The following GGH variants were observed in gnomAD, a reference collection of about 807,000 sequenced individuals.
GGH encodes the protein gamma-glutamyl hydrolase.
GGH carries 18 observed loss-of-function variants against 39.2 expected under a neutral mutation model. That is an observed-to-expected ratio of 0.46 (90% CI 0.32 to 0.68). The LOEUF (loss-of-function observed/expected upper bound fraction) is 0.68. Among genes scored for constraint, GGH ranks in the 30% least tolerant of loss-of-function variants. GGH has a pLI of 0.04. For synonymous variants in GGH, 147 were observed against 138.8 expected, an observed-to-expected ratio of 1.06 and a Z score of -0.42; for missense variants, 367 against 384.1, an observed-to-expected ratio of 0.96 and a Z score of 0.37.
Position 63,030,165 on chromosome 8 carries a change from A to T in GGH, c.275+2T>A. 1 of 1,354,408 alleles carries T rather than the reference A, an allele frequency of 7.4e-7. No individual in the cohort carries two copies. Among genetic ancestry groups the T allele is most frequent in the Non-Finnish European group, 1.1e-6 (1 of 944,280 alleles). The allele number at this position is 1,354,408 out of a possible 1,614,324, so 83.9% of individuals were successfully genotyped here. A position where few individuals can be genotyped will look rare whatever the true frequency, so the allele number is the denominator to read the frequency against. On this transcript the variant is annotated splice_donor_variant, in intron 3 of 8. Coordinates refer to ENST00000260118, the MANE Select transcript of GGH (RefSeq NM_003878.3). LOFTEE classifies it high-confidence loss of function. ...CGTATGAAACCAATGCTGCCAACTT[A>T]CCCATTAATAGATTTGAAAAGTATT... is the stretch of plus-strand genomic sequence containing the variant.
intron 1 of GGH, among the ~76,000 whole-genome samples, chr8:63,038,182 T>C (rs927563712): frequency 3.3e-5 from 5 of 152,274 alleles, no homozygotes; most frequent in Admixed American, 1.3e-4. Context: ...TGTTGTCCTC[T>C]GCTACTGAAC....
At chr8:63,024,865 G>A (rs1395581198) in intron 5 of GGH, 1 of 152,190 alleles carries the variant, frequency 6.6e-6, no homozygotes. Flanking sequence ...TATAAACTGA[G>A]TTCTGGCAAC....
chr8:63,038,693 G>A lies in GGH; in HGVS notation c.76C>T (p.Pro26Ser), dbSNP rs1189528803. 4 of 1,580,954 alleles carry A rather than the reference G, an allele frequency of 2.5e-6. No individual in the cohort carries two copies. Among genetic ancestry groups the A allele is most frequent in the African/African-American group, 1.4e-5 (1 of 72,706 alleles). Residue 26 changes from proline to serine, a missense_variant, in exon 1 of 9, where the codon CCC (proline) becomes TCC (serine). Coordinates refer to ENST00000260118, the MANE Select transcript of GGH (RefSeq NM_003878.3). The part of the protein sequence containing the change: ...CGAASLELSR[P>S]HGDTAKKPII... ...GGCTTCTTGGCGGTGTCGCCGTGGG[G>A]TCTAGACAGCTCGAGGCTCGCCGCC... is the stretch of plus-strand genomic sequence containing the variant.
chr8:63,026,225 A>T lies in GGH; in HGVS notation c.432T>A (p.Ile144=). The T allele has an allele frequency of 6.2e-7, 1 of 1,610,908 alleles. No individual in the cohort carries two copies. Among genetic ancestry groups the T allele is most frequent in the East Asian group, 2.2e-5 (1 of 44,808 alleles). ...CLGFEELSLL[I]SGECLLTATD... ...TGGCAGTTAATAAGCACTCTCCACT[A>T]ATCAGCAGTGAAAGCTCTTCAAATC... Residue 144 remains isoleucine, a synonymous_variant, in exon 5 of 9, where the codon ATT becomes ATA. Transcript: ENST00000260118.
intron 7 of GGH, among the ~76,000 whole-genome samples, chr8:63,021,578 C>T (rs181332071): frequency 6.6e-6 from 1 of 150,548 alleles, no homozygotes; most frequent in African/African-American, 2.4e-5. Flanking sequence ...ATTCCCTGAT[C>T]AGAAATTACA....
chr8:63,026,264 C>G lies in GGH; in HGVS notation c.393G>C (p.Trp131Cys). 2 of 1,608,014 alleles carry G rather than the reference C, an allele frequency of 1.2e-6. No individual in the cohort carries two copies. The highest frequency in any genetic ancestry group is 1.7e-6 in the Non-Finnish European group (2 of 1,176,662). ...SFDDGDYFPVWGTCLGFEELS... is the reference protein window; with the variant it reads ...SFDDGDYFPVCGTCLGFEELS... Reference sequence around the variant, plus strand: ...GCTCTTCAAATCCAAGGCATGTGCCCCACACAGGAAAATAGTCTCCATCAT... The same window carrying G: ...GCTCTTCAAATCCAAGGCATGTGCCGCACACAGGAAAATAGTCTCCATCAT... Residue 131 changes from tryptophan (W) to cysteine (C), a missense_variant, in exon 5 of 9, where the codon TGG becomes TGC. By Grantham distance (215) the Trp-to-Cys change is radical. Transcript: ENST00000260118.
At chr8:63,021,549 T>A (rs1230948931) in intron 7 of GGH, among the ~76,000 whole-genome samples, 2 of 152,206 alleles carry the variant, frequency 1.3e-5, no homozygotes, top group Admixed American at 1.3e-4. Context: ...AATGGTTTTT[T>A]ACTTTGGTTT....
chr8:63,026,033 A>C, intron 5 of GGH, 125 bp downstream of exon 5: 1 of 711,884 alleles, frequency 1.4e-6, no homozygotes, highest in Non-Finnish European at 2.3e-6. Context: ...TAATGTCATA[A>C]GCATTTTTTC....
intron 3 of GGH, among the ~76,000 whole-genome samples, chr8:63,029,263 C>G (rs1482727611): frequency 6.6e-6 from 1 of 152,118 alleles, no homozygotes; most frequent in African/African-American, 2.4e-5. Flanking sequence ...AAAAAGCAAA[C>G]GGGGTGTATG....
rs1234687362 is a variant in GGH, at chr8:63,027,216, T to C, written c.325A>G (p.Lys109Glu). 1 of 1,583,612 alleles carries C rather than the reference T, an allele frequency of 6.3e-7. No homozygotes were observed. The highest frequency in any genetic ancestry group is 8.7e-7 in the Non-Finnish European group (1 of 1,152,374). Residue 109 changes from lysine to glutamate, a missense_variant, in exon 4 of 9, where the codon AAA (lysine) becomes GAA (glutamate). Lys to Glu is a moderately conservative substitution (Grantham distance 56). Transcript: ENST00000260118. Reference protein sequence around the residue: ...SVDLRRSDYAKVAKIFYNLSI... With the variant: ...SVDLRRSDYAEVAKIFYNLSI... Reference sequence around the variant, plus strand: ...AAGTTATAAAATATTTTGGCCACTTTAGCATAATCTGAGCGTCTGAGGTCA... The same window carrying C: ...AAGTTATAAAATATTTTGGCCACTTCAGCATAATCTGAGCGTCTGAGGTCA...
Position 63,024,181 on chromosome 8 carries a change from A to G in GGH, c.505T>C (p.Leu169=). The change falls in exon 6 of 9, where the codon TTG becomes CTG. Residue 169 remains leucine, a synonymous_variant. Coordinates refer to ENST00000260118, the MANE Select transcript of GGH (RefSeq NM_003878.3). ...AMPLNFTGGQ[L]HSRMFQNFPT... is the part of the protein sequence containing the mutation. ...AAATTCTGGAACATTCTGCTGTGCAATTGACCTGAAATAATTTAAGTACAA... is the reference window on the plus strand; with the variant it reads ...AAATTCTGGAACATTCTGCTGTGCAGTTGACCTGAAATAATTTAAGTACAA... The G allele has an allele frequency of 6.3e-7, 1 of 1,575,634 alleles. No homozygotes were observed. Among genetic ancestry groups the G allele is most frequent in the Non-Finnish European group, 8.7e-7 (1 of 1,146,510 alleles).
At chr8:63,024,224 CA>C in intron 5 of GGH, 38 bp from the exon 6 acceptor site, 3 of 1,291,182 alleles carry the variant, frequency 2.3e-6, no homozygotes, top group South Asian at 1.3e-5. Flanking sequence ...AATTTAAACA[CA>C]AAAAAATAAA....
In GGH at chr8:63,019,355, A is replaced by C. The variant is rs530769777; in HGVS notation, c.698-1725T>G. Reference sequence around the variant, plus strand: ...CTGACTGAAAAATTAAAGTTGAGCAAACTTTCCATTCGATCGGTGACAAAA... The same window carrying C: ...CTGACTGAAAAATTAAAGTTGAGCACACTTTCCATTCGATCGGTGACAAAA... On this transcript the variant is annotated intron_variant, in intron 7 of 8. Transcript: ENST00000260118. 6.6e-5 allele frequency among the ~76,000 whole-genome samples: 10 copies of C among 152,338 alleles called. No individual in the cohort carries two copies. The East Asian group carries it at 1.9e-3, about 29-fold the overall frequency.
chr8:63,038,592 G>T, intron 1 of GGH, 68 bp downstream of exon 1: 4 of 784,450 alleles, frequency 5.1e-6, no homozygotes, highest in Non-Finnish European at 7.4e-6. Flanking sequence ...GGAGCGCGGC[G>T]GCGGGAGGCG....
chr8:63,017,844 C>T (rs1804515321), intron 7 of GGH: 2 of 429,922 alleles, frequency 4.7e-6, no homozygotes, highest in South Asian at 5.1e-5. Flanking sequence ...CTTTTACAAT[C>T]TGTAGGACGA....
rs1390920564 is a variant in GGH at position 63,029,624 on chromosome 8, T to G, written c.275+543A>C. The stretch of plus-strand genomic sequence containing the variant: ...ATTACCCCAAAAAAGACTACCTGAT[T>G]TACATTCCCTCTAATAAAGTATGAG... On this transcript the variant is annotated intron_variant, in intron 3 of 8. Coordinates refer to ENST00000260118, the MANE Select transcript of GGH (RefSeq NM_003878.3). 2.0e-5 allele frequency among the ~76,000 whole-genome samples: 3 copies of G among 152,132 alleles called. No individual in the cohort carries two copies. The East Asian group carries it at 5.8e-4, about 29-fold the overall frequency.
At chr8:63,029,202 G>A (rs1352500990) in intron 3 of GGH, among the ~76,000 whole-genome samples, 2 of 152,246 alleles carry the variant, frequency 1.3e-5, no homozygotes, top group East Asian at 3.9e-4. Flanking sequence ...ATTAAAATCT[G>A]CTGTGTTGAT....
At chr8:63,020,596 G>A (rs1028210126) in intron 7 of GGH, among the ~76,000 whole-genome samples, 4 of 152,126 alleles carry the variant, frequency 2.6e-5, no homozygotes, top group Admixed American at 1.3e-4. Context: ...TGGGTTTTTC[G>A]AGATGGCTAA....
rs1281776865 is a variant in GGH at position 63,038,654 on chromosome 8, C to T, written c.109+6G>A. On this transcript the variant is annotated splice_donor_region_variant and intron_variant, in intron 1 of 8. Coordinates refer to ENST00000260118, the MANE Select transcript of GGH (RefSeq NM_003878.3). ...CGTCTGCTGCGGCCCCGCACAGCCT[C>T]CTTACCGATGATGGGCTTCTTGGCG... is the stretch of plus-strand genomic sequence containing the variant. 6.7e-7 allele frequency: 1 copy of T among 1,488,850 alleles called. No individual in the cohort carries two copies. Among genetic ancestry groups the T allele is most frequent in the Non-Finnish European group, 9.1e-7 (1 of 1,098,048 alleles). The allele number at this position is 1,488,850 out of a possible 1,614,324, so 92.2% of individuals were successfully genotyped here.
Sources: gnomAD v4.1 joint callset for allele counts (sites outside exome capture counted in the v4.1 genomes callset) on GRCh38, gnomAD v4.1.1 for gene constraint, MANE v1.5 for transcripts, NCBI Gene and HGNC (gene_info 2026-07-23, HGNC 2026-07-21) for gene names.